Variants in AMN observed in about 807,000 individuals in gnomAD.
AMN encodes the protein amnion associated transmembrane protein.
A neutral mutation model predicts 49.1 loss-of-function variants in AMN; 40 were observed. That is an observed-to-expected ratio of 0.81 (90% confidence interval 0.63 to 1.06). The LOEUF (loss-of-function observed/expected upper bound fraction) is 1.06, where lower values mean the gene tolerates loss of function less well. Among genes scored for constraint, AMN ranks in the 50% least tolerant of loss-of-function variants. The pLI is 0.00. For synonymous variants in AMN, 380 were observed against 313.3 expected (o/e 1.21, Z -2.25); for missense variants, 701 against 662.8 (o/e 1.06, Z -0.63).
rs1199993632 is a variant in AMN, at chr14:102,923,462, A to AG, written c.44-247dup. Reference sequence around the variant, plus strand: ...GGCAGTGCCGGGAGGCTATCTAGGCAGGCGTCCTGCAGGGCGCGTTTGAGC... The same window carrying AG: ...GGCAGTGCCGGGAGGCTATCTAGGCAGGGCGTCCTGCAGGGCGCGTTTGAGC... On this transcript the variant is annotated intron_variant, in intron 1 of 11. Coordinates refer to ENST00000299155, the MANE Select transcript of AMN (RefSeq NM_030943.4). The AG allele has an allele frequency of 1.1e-4, 59 of 514,358 alleles. 1 individual carries two copies. In the Middle Eastern group the frequency reaches 5.9e-3, roughly 52 times the overall value. 31.9% of individuals were successfully genotyped at this position (514,358 alleles called of 1,614,324 possible).
rs890543313 is a variant in AMN at position 102,930,148 on chromosome 14, C to T, written c.1007-17C>T. On this transcript the variant is annotated splice_polypyrimidine_tract_variant and intron_variant, in intron 9 of 11. Transcript: ENST00000299155. ...CGCCCCGCCGCGGGGAAGACTGAGC[C>T]GGCCCCTCCGTCGCAGGCGAGGCCC... is the stretch of plus-strand genomic sequence containing the variant. 2.0e-6 allele frequency: 3 copies of T among 1,494,372 alleles called. No individual in the cohort carries two copies. Among genetic ancestry groups the T allele is most frequent in the Admixed American group, 2.2e-5 (1 of 45,138 alleles). The allele number at this position is 1,494,372 out of a possible 1,614,324, so 92.6% of individuals were successfully genotyped here.
intron 11 of AMN, 21 bp downstream of exon 11, chr14:102,930,514 ACCGGGGCCTCCTCGGGG>A (rs1243547168): frequency 2.0e-6 from 3 of 1,538,164 alleles, no homozygotes; most frequent in African/African-American, 1.4e-5. Context: ...TGGAGGGGGG[ACCGGGGCCTCCTCGGGG>A]CCGGGACTCG....
In AMN at chr14:102,930,405, G is replaced by C. The variant is rs1407245521; in HGVS notation, c.1170-1G>C. 2.0e-6 allele frequency: 3 copies of C among 1,518,500 alleles called. No homozygotes were observed. The highest frequency in any genetic ancestry group is 4.0e-5 in the Admixed American group (2 of 49,672). The allele number at this position is 1,518,500 out of a possible 1,614,324, so 94.1% of individuals were successfully genotyped here. A position where few individuals can be genotyped will look rare whatever the true frequency, so the allele number is the denominator to read the frequency against. On this transcript the variant is annotated splice_acceptor_variant, in intron 10 of 11. Transcript: ENST00000299155. LOFTEE classifies it high-confidence loss of function. ...ACGCTGCGTCCCCGCTACGCCCTCA[G>C]GTGGAGGAGGCACGAGGCGGCGGCC...
chr14:102,923,946 C>G lies in AMN; in HGVS notation c.174C>G (p.Val58=), dbSNP rs749734745. Residue 58 remains valine, a synonymous_variant, in exon 3 of 12, where the codon GTC becomes GTG. Transcript: ENST00000299155. ...VEFPADKMVS[V]LVQEGHAVSD... Reference sequence around the variant, plus strand: ...GCTTCTTCCTGCAGATGGTGTCAGTCCTGGTGCAAGAAGGTCACGCCGTCT... The same window carrying G: ...GCTTCTTCCTGCAGATGGTGTCAGTGCTGGTGCAAGAAGGTCACGCCGTCT... 3.1e-6 allele frequency: 5 copies of G among 1,613,266 alleles called. No homozygotes were observed. The highest frequency in any genetic ancestry group is 4.2e-6 in the Non-Finnish European group (5 of 1,180,032).
rs1891256753 is a variant in AMN at position 102,928,889 on chromosome 14, T to G, written c.427T>G (p.Phe143Val). The change falls in exon 5 of 12, where the codon TTC becomes GTC. Residue 143 changes from phenylalanine (F) to valine (V), a missense_variant. Phe to Val is a conservative substitution (Grantham distance 50, BLOSUM62 -1). Coordinates refer to ENST00000299155, the MANE Select transcript of AMN (RefSeq NM_030943.4). ...ERVPCRHDDV[F>V]FPPSASFRVG... The stretch of plus-strand genomic sequence containing the variant: ...CGTGCCCTGCCGCCACGACGACGTC[T>G]TCTTTCCGCCTAGTGCCTCCTTCCG... The G allele has an allele frequency of 6.2e-7, 1 of 1,603,870 alleles. No homozygotes were observed. Among genetic ancestry groups the G allele is most frequent in the Non-Finnish European group, 8.5e-7 (1 of 1,179,804 alleles).
rs115851517 is a variant in AMN, at chr14:102,928,416, T to G, written c.208-10T>G. The G allele has an allele frequency of 6.3e-7, 1 of 1,590,392 alleles. No homozygotes were observed. The highest frequency in any genetic ancestry group is 1.7e-5 in the Admixed American group (1 of 57,340). ...CCGCGTGGCGCCGCCTCAGCCCGTG[T>G]CTCTTGCAGCTCCTGCCGCTGGATG... is the stretch of plus-strand genomic sequence containing the variant. On this transcript the variant is annotated splice_polypyrimidine_tract_variant and intron_variant, in intron 3 of 11. Coordinates refer to ENST00000299155, the MANE Select transcript of AMN (RefSeq NM_030943.4).
At chr14:102,926,989 C>T (rs576904281) in intron 3 of AMN, among the ~76,000 whole-genome samples, 26 of 152,232 alleles carry the variant, frequency 1.7e-4, no homozygotes, top group Middle Eastern at 3.4e-3. Flanking sequence ...CCTCCCTGGG[C>T]GCAAACAATC....
chr14:102,924,544 G>A (rs1891145431), intron 3 of AMN, among the ~76,000 whole-genome samples: 1 of 152,210 alleles, frequency 6.6e-6, no homozygotes, highest in South Asian at 2.1e-4. Context: ...AGATGGGACA[G>A]CTTAATCCTG....
In AMN at chr14:102,923,609, G is replaced by A. The variant is rs1891115088; in HGVS notation, c.44-102G>A. The A allele has an allele frequency of 8.2e-6, 9 of 1,091,318 alleles. No individual in the cohort carries two copies. In the East Asian group the frequency reaches 1.2e-4, roughly 14 times the overall value. 67.6% of individuals were successfully genotyped at this position (1,091,318 alleles called of 1,614,324 possible). A position where few individuals can be genotyped will look rare whatever the true frequency, so the allele number is the denominator to read the frequency against. ...GGGGATGGGGTTCCTATGCGTCCCG[G>A]GTGATCCGCGCGGACCTTCCGCACT... is the stretch of plus-strand genomic sequence containing the variant. On this transcript the variant is annotated intron_variant, in intron 1 of 11. Coordinates refer to ENST00000299155, the MANE Select transcript of AMN (RefSeq NM_030943.4).
chr14:102,928,686 T>C (rs1227534914), intron 4 of AMN, 72 bp from the exon 5 acceptor site: 2 of 1,509,752 alleles, frequency 1.3e-6, no homozygotes, highest in Non-Finnish European at 1.8e-6. Flanking sequence ...CTCAGACGCG[T>C]GGCGTGGCGT....
chr14:102,923,873 T>A, intron 2 of AMN, 44 bp downstream of exon 2: 1 of 1,612,702 alleles, frequency 6.2e-7, no homozygotes, highest in Non-Finnish European at 8.5e-7. Context: ...CCTGGACCCC[T>A]GAGACCGTGT....
chr14:102,929,867 C>G, intron 8 of AMN, 57 bp from the exon 9 acceptor site: 1 of 1,548,602 alleles, frequency 6.5e-7, no homozygotes, highest in African/African-American at 1.4e-5. Flanking sequence ...CTTAGCGTCC[C>G]CATAGGCTCG....
rs1385723641 is a variant in AMN at position 102,930,663 on chromosome 14, G to A, written c.1345G>A (p.Ala449Thr). 3.1e-6 allele frequency: 5 copies of A among 1,591,454 alleles called. No individual in the cohort carries two copies. The highest frequency in any genetic ancestry group is 4.3e-6 in the Non-Finnish European group (5 of 1,170,500). ...SYFVNPLFAG[A>T]EAEA ...CTTCGTCAACCCTCTGTTCGCCGGG[G>A]CCGAGGCCGAGGCCTGAGCGGCCGC... The change falls in exon 12 of 12, where the codon GCC (alanine) becomes ACC (threonine). Residue 449 changes from alanine (A) to threonine (T), a missense_variant. Ala to Thr is a moderately conservative substitution (Grantham distance 58, BLOSUM62 0). Coordinates refer to ENST00000299155, the MANE Select transcript of AMN (RefSeq NM_030943.4).
chr14:102,930,707 G>A lies in AMN; in HGVS notation c.*27G>A. 1.3e-6 allele frequency: 2 copies of A among 1,556,702 alleles called. No individual in the cohort carries two copies. Among genetic ancestry groups the A allele is most frequent in the Non-Finnish European group, 1.7e-6 (2 of 1,151,930 alleles). ...CGGCCGCCTGACCGTCGACCTTGGG[G>A]CTCTCCACCCGCTCTGGCCCCAGTC... On this transcript the variant is annotated 3_prime_UTR_variant, in exon 12 of 12. Transcript: ENST00000299155.
chr14:102,925,811 C>T (rs1048036203), intron 3 of AMN, among the ~76,000 whole-genome samples: 1 of 152,112 alleles, frequency 6.6e-6, no homozygotes, highest in Non-Finnish European at 1.5e-5. Context: ...CTGCAGAGGC[C>T]GAATTCACCC....
intron 3 of AMN, among the ~76,000 whole-genome samples, chr14:102,925,406 A>G (rs1190228): frequency 0.67 from 102,387 of 152,144 alleles, 35,691 homozygotes; most frequent in African/African-American, 0.86. Flanking sequence ...AAGCTGCCAC[A>G]CACTGGGGAG....
Position 102,928,589 on chromosome 14 carries a change from G to T in AMN, c.295+76G>T, listed in dbSNP as rs139414729. On this transcript the variant is annotated intron_variant, in intron 4 of 11. Coordinates refer to ENST00000299155, the MANE Select transcript of AMN (RefSeq NM_030943.4). ...GGGACTGGAGGGAAGGCGCGTCGAG[G>T]GGGGCGAGGACCGGAGGGAGGGCGC... is the stretch of plus-strand genomic sequence containing the variant. The T allele has an allele frequency of 1.1e-3, 1,695 of 1,527,504 alleles. 29 individuals carry two copies. In the East Asian group the frequency reaches 0.029, roughly 26 times the overall value. The allele number at this position is 1,527,504 out of a possible 1,614,324, so 94.6% of individuals were successfully genotyped here.
chr14:102,927,175 T>A (rs763030519), intron 3 of AMN, among the ~76,000 whole-genome samples: 4 of 152,234 alleles, frequency 2.6e-5, no homozygotes, highest in Non-Finnish European at 4.4e-5. Flanking sequence ...ATTACAGGCA[T>A]GAGCCACCGC....
Position 102,922,711 on chromosome 14 carries a change from T to A in AMN, c.23T>A (p.Leu8Gln), listed in dbSNP as rs1422589682. Residue 8 changes from leucine to glutamine, a missense_variant, in exon 1 of 12, where the codon CTG becomes CAG. Coordinates refer to ENST00000299155, the MANE Select transcript of AMN (RefSeq NM_030943.4). Reference sequence around the variant, plus strand: ...GAGATGGGCGTCCTGGGCCGGGTCCTGCTGTGGCTGCAGCTCTGCGGTGAG... The same window carrying A: ...GAGATGGGCGTCCTGGGCCGGGTCCAGCTGTGGCTGCAGCTCTGCGGTGAG... MGVLGRV[L>Q]LWLQLCALTQ... The A allele has an allele frequency of 1.3e-6, 2 of 1,595,212 alleles. No individual in the cohort carries two copies. Among genetic ancestry groups the A allele is most frequent in the Non-Finnish European group, 1.7e-6 (2 of 1,174,060 alleles).
Sources: gnomAD v4.1 joint callset for allele counts (sites outside exome capture counted in the v4.1 genomes callset) on GRCh38, gnomAD v4.1.1 for gene constraint, MANE v1.5 for transcripts, NCBI Gene and HGNC (gene_info 2026-07-23, HGNC 2026-07-21) for gene names.